The following SZT2 variants were observed in gnomAD, a reference collection of about 807,000 sequenced individuals.
The protein encoded by SZT2 is KICSTOR complex protein SZT2.
SZT2 carries 216 observed loss-of-function variants against 404.2 expected under a neutral mutation model. The ratio of observed to expected loss-of-function variants is 0.53; its 90% CI spans 0.48 to 0.60. The LOEUF (loss-of-function observed/expected upper bound fraction) is 0.60, where lower values mean the gene tolerates loss of function less well. SZT2 is among the 20% of genes least tolerant of loss of function. SZT2 has a pLI of 0.00. For missense variants in SZT2, 3,857 were observed against 4,459.2 expected, an observed-to-expected ratio of 0.86 and a Z score of 3.85; for synonymous variants, 1,693 against 1,749.9, an observed-to-expected ratio of 0.97 and a Z score of 0.81.
chr1:43,449,992 C>G, intron 70 of SZT2, 111 bp from the exon 71 acceptor site: 3 of 1,284,446 alleles, frequency 2.3e-6, no homozygotes, highest in Non-Finnish European at 3.4e-6. Context: ...AGGGTGCAGG[C>G]GGGGTGAGGT....
intron 4 of SZT2, 113 bp from the exon 5 acceptor site, chr1:43,414,969 G>T: frequency 7.4e-7 from 1 of 1,354,726 alleles, no homozygotes; most frequent in Non-Finnish European, 9.9e-7. Flanking sequence ...GACCCTGGTT[G>T]GGTAGGAAGT....
chr1:43,442,343 T>C lies in SZT2; in HGVS notation c.7949T>C (p.Leu2650Ser), dbSNP rs1449695949. Reference protein sequence around the residue: ...SGRNAPRQRLLLLEVVDKKLQ... With the variant: ...SGRNAPRQRLSLLEVVDKKLQ... ...CGAAATGCTCCCCGGCAGAGGCTCT[T>C]GCTACTAGAGGTTGTGGACAAGAAG... The change falls in exon 57 of 72, where the codon TTG (leucine) becomes TCG (serine). Residue 2650 changes from leucine (L) to serine (S), a missense_variant. Physicochemically the swap from Leu to Ser is moderately radical, Grantham distance 145. Transcript: ENST00000634258. This position sits in a 1 kb window ranked among gnomAD's most constrained non-coding sequence, Gnocchi z 4.5. The C allele has an allele frequency of 1.2e-6, 2 of 1,613,946 alleles. No homozygotes were observed. Among genetic ancestry groups the C allele is most frequent in the African/African-American group, 2.7e-5 (2 of 74,912 alleles).
In SZT2 at chr1:43,447,650, C is replaced by A; in HGVS notation, c.9392C>A (p.Pro3131Gln). Residue 3131 changes from proline (P) to glutamine (Q), a missense_variant, in exon 67 of 72, where the codon CCA (proline) becomes CAA (glutamine). Pro to Gln is a moderately conservative substitution (Grantham distance 76, BLOSUM62 -1). Transcript: ENST00000634258. ...YHMKPLRMAR[P>Q]GGPEHNEYAL... Reference sequence around the variant, plus strand: ...ATGAAGCCATTGCGAATGGCCCGGCCAGGGGGCCCAGAACACAACGAGTAT... The same window carrying A: ...ATGAAGCCATTGCGAATGGCCCGGCAAGGGGGCCCAGAACACAACGAGTAT... 1 of 1,614,214 alleles carries A rather than the reference C, an allele frequency of 6.2e-7. No individual in the cohort carries two copies. The highest frequency in any genetic ancestry group is 1.1e-5 in the South Asian group (1 of 91,078).
In SZT2 at chr1:43,451,925, G is replaced by A; in HGVS notation, c.*1445G>A. 1 of 1,612,914 alleles carries A rather than the reference G, an allele frequency of 6.2e-7. No homozygotes were observed. Among genetic ancestry groups the A allele is most frequent in the Non-Finnish European group, 8.5e-7 (1 of 1,179,066 alleles). ...AAGGGACAGAAGGAGAGACAGGGCTGGGGTCGTACCCTGCTGGGGCGTGTC... is the reference window on the plus strand; with the variant it reads ...AAGGGACAGAAGGAGAGACAGGGCTAGGGTCGTACCCTGCTGGGGCGTGTC... On this transcript the variant is annotated 3_prime_UTR_variant, in exon 72 of 72. Transcript: ENST00000634258.
chr1:43,453,510 C>A lies in SZT2; in HGVS notation c.*3030C>A. The A allele has an allele frequency of 7.8e-6, 12 of 1,539,456 alleles. No individual in the cohort carries two copies. In the Middle Eastern group the frequency reaches 5.1e-4, roughly 65 times the overall value. ...TTCTCTTGGTCTCCTGCAGAGAGAACGGGCCTCAGCCCCCGGCTCGGACAC... is the reference window on the plus strand; with the variant it reads ...TTCTCTTGGTCTCCTGCAGAGAGAAAGGGCCTCAGCCCCCGGCTCGGACAC... On this transcript the variant is annotated 3_prime_UTR_variant, in exon 72 of 72. Coordinates refer to ENST00000634258, the MANE Select transcript of SZT2 (RefSeq NM_001365999.1).
chr1:43,394,899 GAA>G (rs1459783524), intron 1 of SZT2, among the ~76,000 whole-genome samples: 5 of 151,530 alleles, frequency 3.3e-5, no homozygotes, highest in African/African-American at 1.2e-4. Flanking sequence ...AAAAAGAAAA[GAA>G]AAAGAAAATA....
At position 43,451,365 on chromosome 1, in the gene SZT2, T is replaced by C. The variant is rs775891802; in HGVS notation, c.*885T>C. 19 of 1,612,218 alleles carry C rather than the reference T, an allele frequency of 1.2e-5. No homozygotes were observed. In the South Asian group the frequency reaches 1.8e-4, roughly 15 times the overall value. On this transcript the variant is annotated 3_prime_UTR_variant, in exon 72 of 72. Transcript: ENST00000634258. ...CAGCCCACAAGGAGAAAACAGCCCC[T>C]GTCCGGGTCCCTCCAGAGCTCCCTT... is the stretch of plus-strand genomic sequence containing the variant.
At chr1:43,416,799 G>A (rs1651770904) in intron 7 of SZT2, among the ~76,000 whole-genome samples, 158 bp downstream of exon 7, 1 of 152,186 alleles carries the variant, frequency 6.6e-6, no homozygotes, top group Admixed American at 6.5e-5. Context: ...TAGCATCGTG[G>A]GAGAGGACTC....
Position 43,446,111 on chromosome 1 carries a change from G to A in SZT2, c.8917-68G>A, listed in dbSNP as rs1453369144. 3.7e-6 allele frequency: 6 copies of A among 1,602,798 alleles called. No individual in the cohort carries two copies. In the African/African-American group the frequency reaches 8.0e-5, roughly 21 times the overall value. ...TGACACCATTAAAGTCAGGGTCCAA[G>A]GGACTTCCACCCTACTGATTCGAGG... On this transcript the variant is annotated intron_variant, in intron 63 of 71. Coordinates refer to ENST00000634258, the MANE Select transcript of SZT2 (RefSeq NM_001365999.1).
intron 1 of SZT2, among the ~76,000 whole-genome samples, chr1:43,392,667 C>G (rs1648542493): frequency 6.6e-6 from 1 of 152,248 alleles, no homozygotes; most frequent in Non-Finnish European, 1.5e-5. Flanking sequence ...CCTGCCTCGG[C>G]TTCCCAAAGT....
At chr1:43,449,938 T>A (rs1249151560) in intron 70 of SZT2, 165 bp from the exon 71 acceptor site, 2 of 766,770 alleles carry the variant, frequency 2.6e-6, no homozygotes, top group East Asian at 2.7e-5. Context: ...CCAGCGAGGA[T>A]GAGGACTGAG....
At chr1:43,416,976 A>C (rs935334694) in intron 7 of SZT2, among the ~76,000 whole-genome samples, 14 of 152,180 alleles carry the variant, frequency 9.2e-5, no homozygotes, top group Admixed American at 8.5e-4. Flanking sequence ...GCTTAACCAA[A>C]GGGGGAAAAG....
At position 43,429,782 on chromosome 1, in the gene SZT2, T is replaced by G. The variant is rs760664038; in HGVS notation, c.4246T>G (p.Ser1416Ala). The G allele has an allele frequency of 1.1e-4, 180 of 1,614,092 alleles. No individual in the cohort carries two copies. The highest frequency in any genetic ancestry group is 1.5e-4 in the Non-Finnish European group (177 of 1,180,046). ...CATTCCAGACCCTGGGCCAGAGATCTCTCTGACAGATGTCTGCCAGCTCAG... is the reference window on the plus strand; with the variant it reads ...CATTCCAGACCCTGGGCCAGAGATCGCTCTGACAGATGTCTGCCAGCTCAG... ...PGIPDPGPEI[S>A]LTDVCQLRGE... Residue 1416 changes from serine to alanine, a missense_variant, in exon 29 of 72, where the codon TCT becomes GCT. Around this residue, in one of 7 missense-constraint regions of SZT2, gnomAD observed 1,725 missense variants for 1,881.0 expected, o/e 0.92. Transcript: ENST00000634258.
In SZT2 at chr1:43,419,856, C is replaced by A. The variant is rs1652130377; in HGVS notation, c.1002C>A (p.Gly334=). The change falls in exon 8 of 72, where the codon GGC becomes GGA. Residue 334 remains glycine (G), a synonymous_variant. Coordinates refer to ENST00000634258, the MANE Select transcript of SZT2 (RefSeq NM_001365999.1). Reference sequence around the variant, plus strand: ...CCACTTGTCCTGAGCCGGAGCCAGGCAACCTGGGTCTGACTGTCTACCACC... The same window carrying A: ...CCACTTGTCCTGAGCCGGAGCCAGGAAACCTGGGTCTGACTGTCTACCACC... ...YLSTCPEPEP[G]NLGLTVYHRA... 5 of 1,598,390 alleles carry A rather than the reference C, an allele frequency of 3.1e-6. No individual in the cohort carries two copies. The highest frequency in any genetic ancestry group is 4.2e-6 in the Non-Finnish European group (5 of 1,179,818).
Position 43,430,122 on chromosome 1 carries a change from T to TA in SZT2, c.4401+20dup, listed in dbSNP as rs2153933792. 1 of 1,613,362 alleles carries TA rather than the reference T, an allele frequency of 6.2e-7. No individual in the cohort carries two copies. The highest frequency in any genetic ancestry group is 8.5e-7 in the Non-Finnish European group (1 of 1,179,372). ...GCGAGAAGTGAGTGGCTCTCTTCCT[T>TA]ACCTCTCTCGTGCCCTCAACCCAGA... On this transcript the variant is annotated intron_variant, in intron 30 of 71. Transcript: ENST00000634258.
At position 43,437,848 on chromosome 1, in the gene SZT2, G is replaced by A; in HGVS notation, c.6454G>A (p.Val2152Met). The change falls in exon 46 of 72, where the codon GTG becomes ATG. Residue 2152 changes from valine (V) to methionine (M), a missense_variant. By Grantham distance (21) the Val-to-Met change is conservative. Coordinates refer to ENST00000634258, the MANE Select transcript of SZT2 (RefSeq NM_001365999.1). The surrounding 1 kb of genome is among the most constrained non-coding windows in gnomAD (Gnocchi z 5.3). ...CCGCAGTTCAGATGCTGCTCGTCCT[G>A]TGGGCCAAGTGGACAGACATATCCA... ...SSRSSDAARP[V>M]GQVDRHIQLL... The A allele has an allele frequency of 1.9e-6, 3 of 1,614,188 alleles. No individual in the cohort carries two copies. The highest frequency in any genetic ancestry group is 2.5e-6 in the Non-Finnish European group (3 of 1,180,040).
chr1:43,390,826 A>G (rs1648205698), intron 1 of SZT2, among the ~76,000 whole-genome samples: 1 of 152,244 alleles, frequency 6.6e-6, no homozygotes, highest in African/African-American at 2.4e-5. Flanking sequence ...CCACCAGGAA[A>G]GGTGCCAACA....
chr1:43,391,753 A>G (rs1401332555), intron 1 of SZT2, among the ~76,000 whole-genome samples: 1 of 152,218 alleles, frequency 6.6e-6, no homozygotes, highest in Non-Finnish European at 1.5e-5. Flanking sequence ...AGCAAGCCAC[A>G]TGTGTAATAT....
chr1:43,418,381 G>C (rs1242115888), intron 7 of SZT2, among the ~76,000 whole-genome samples: 1 of 152,214 alleles, frequency 6.6e-6, no homozygotes, highest in Non-Finnish European at 1.5e-5. Flanking sequence ...ATTGTCTTAA[G>C]AAACAGATTG....
Sources: allele counts gnomAD v4.1 joint callset (sites outside exome capture counted in the v4.1 genomes callset), GRCh38; gene constraint gnomAD v4.1.1; regional missense constraint gnomAD v4.1.1; non-coding constraint Gnocchi (gnomAD v3.1); transcripts MANE v1.5; gene names NCBI Gene and HGNC (gene_info 2026-07-23, HGNC 2026-07-21).